The following ADAM2 variants were observed in gnomAD, a reference collection of about 807,000 sequenced individuals.
ADAM2 encodes the protein ADAM metallopeptidase domain 2.
A neutral mutation model predicts 99.3 loss-of-function variants in ADAM2; 101 were observed. That is an observed-to-expected ratio of 1.02 (90% CI 0.87 to 1.20). ADAM2 has a LOEUF of 1.20. ADAM2 is among the 50% of genes most tolerant of loss of function. The pLI, the probability that ADAM2 is intolerant of heterozygous loss-of-function variation, is 0.00. For missense variants in ADAM2, 948 were observed against 878.7 expected, an observed-to-expected ratio of 1.08 and a Z score of -1.00; for synonymous variants, 323 against 287.6, an observed-to-expected ratio of 1.12 and a Z score of -1.25.
intron 15 of ADAM2, among the ~76,000 whole-genome samples, chr8:39,756,376 A>G (rs1420340646): frequency 6.6e-6 from 1 of 152,224 alleles, no homozygotes; most frequent in Non-Finnish European, 1.5e-5. Context: ...CAGGGTTATC[A>G]CTATATATAT....
chr8:39,761,405 C>T (rs1802366035), intron 14 of ADAM2, 124 bp from the exon 15 acceptor site: 1 of 488,026 alleles, frequency 2.0e-6, no homozygotes, highest in Non-Finnish European at 3.5e-6. Flanking sequence ...CATACTATAA[C>T]ATTCAAAATA....
intron 7 of ADAM2, among the ~76,000 whole-genome samples, chr8:39,806,691 G>A (rs935950685): frequency 6.6e-6 from 1 of 152,008 alleles, no homozygotes; most frequent in Admixed American, 6.6e-5. Context: ...ACCCTGAAAT[G>A]CAAAATGATA....
intron 10 of ADAM2, among the ~76,000 whole-genome samples, chr8:39,779,971 C>T (rs979738679): frequency 2.6e-5 from 4 of 151,992 alleles, no homozygotes; most frequent in Admixed American, 1.3e-4. Context: ...AAGATGTTCA[C>T]GCCAATTCAA....
chr8:39,819,546 T>C (rs1261910181), intron 6 of ADAM2, among the ~76,000 whole-genome samples: 1 of 152,106 alleles, frequency 6.6e-6, no homozygotes, highest in African/African-American at 2.4e-5. Context: ...TAGACAAAAT[T>C]AACATTTAAG....
At chr8:39,816,257 A>G (rs192246025) in intron 6 of ADAM2, among the ~76,000 whole-genome samples, 58 of 152,278 alleles carry the variant, frequency 3.8e-4, no homozygotes, top group African/African-American at 9.9e-4. Flanking sequence ...AGATCACGCC[A>G]TTGCACTCCA....
intron 10 of ADAM2, among the ~76,000 whole-genome samples, chr8:39,780,794 A>G (rs1052642477): frequency 4.6e-5 from 7 of 152,268 alleles, no homozygotes; most frequent in East Asian, 1.9e-4. Flanking sequence ...TAGTATTGAT[A>G]TATAAATTAT....
chr8:39,800,955 G>T (rs966263105), intron 7 of ADAM2, among the ~76,000 whole-genome samples: 1 of 151,960 alleles, frequency 6.6e-6, no homozygotes, highest in African/African-American at 2.4e-5. Context: ...TAGCTTCTTT[G>T]CATTAGGTTA....
intron 5 of ADAM2, 108 bp downstream of exon 5, chr8:39,821,478 A>G (rs915532815): frequency 3.5e-6 from 3 of 860,494 alleles, no homozygotes; most frequent in Non-Finnish European, 5.3e-6. Context: ...GCAGTTTTCC[A>G]CAATAGTCAT....
At chr8:39,835,182 T>C (rs1420643642) in intron 2 of ADAM2, among the ~76,000 whole-genome samples, 1 of 152,148 alleles carries the variant, frequency 6.6e-6, no homozygotes, top group African/African-American at 2.4e-5. Context: ...TTAAAATATG[T>C]TTACTATTAC....
At position 39,755,764 on chromosome 8, in the gene ADAM2, C is replaced by A. The variant is rs116723080; in HGVS notation, c.1761G>T (p.Met587Ile). The A allele has an allele frequency of 3.8e-4, 620 of 1,613,538 alleles. 7 individuals are homozygous for A. The African/African-American group carries it at 7.3e-3, about 19-fold the overall frequency. ...FASDHADSQK[M>I]WIKDGTSCGS... ...CACAAGAAGTTCCATCTTTTATCCA[C>A]ATCTTTTGGCTGTCTGCATGATCAC... is the stretch of plus-strand genomic sequence containing the variant. The change falls in exon 16 of 21, where the codon ATG becomes ATT. Residue 587 changes from methionine (M) to isoleucine (I), a missense_variant. Physicochemically the swap from Met to Ile is conservative, Grantham distance 10. Coordinates refer to ENST00000265708, the MANE Select transcript of ADAM2 (RefSeq NM_001464.5).
Position 39,833,939 on chromosome 8 carries a change from C to G in ADAM2, c.188+5G>C, listed in dbSNP as rs763821674. 6 of 1,462,250 alleles carry G rather than the reference C, an allele frequency of 4.1e-6. No homozygotes were observed. The highest frequency in any genetic ancestry group is 1.7e-5 in the Admixed American group (1 of 58,666). 90.6% of individuals were successfully genotyped at this position (1,462,250 alleles called of 1,614,324 possible). ...AGAATTGATAAAATAATGATGATTA[C>G]CTACTTTTGCATTAAATTCACAGTA... On this transcript the variant is annotated splice_donor_5th_base_variant and intron_variant, in intron 3 of 20. Coordinates refer to ENST00000265708, the MANE Select transcript of ADAM2 (RefSeq NM_001464.5).
chr8:39,824,709 T>G, intron 4 of ADAM2, 110 bp downstream of exon 4: 1 of 683,262 alleles, frequency 1.5e-6, no homozygotes, highest in Non-Finnish European at 2.6e-6. Flanking sequence ...ATTAAACTTA[T>G]GCCAAGAAGC....
chr8:39,775,760 G>C (rs1341577223), intron 11 of ADAM2, among the ~76,000 whole-genome samples: 2 of 152,014 alleles, frequency 1.3e-5, no homozygotes, highest in Non-Finnish European at 2.9e-5. Flanking sequence ...TTATTTACTT[G>C]TACTCTCTGG....
intron 16 of ADAM2, among the ~76,000 whole-genome samples, chr8:39,753,300 A>G (rs892593616): frequency 6.6e-6 from 1 of 152,152 alleles, no homozygotes; most frequent in African/African-American, 2.4e-5. Context: ...TGCCCTAGAA[A>G]TCTGTGGAAC....
chr8:39,809,193 G>C (rs1804586597), intron 7 of ADAM2, among the ~76,000 whole-genome samples: 1 of 152,050 alleles, frequency 6.6e-6, no homozygotes, highest in African/African-American at 2.4e-5. Flanking sequence ...AACTATTATA[G>C]AGGTAGCAAT....
intron 9 of ADAM2, 115 bp downstream of exon 9, chr8:39,787,970 C>T (rs1257968695): frequency 2.6e-5 from 15 of 583,354 alleles, no homozygotes; most frequent in Admixed American, 7.8e-5. Context: ...ATTTACATGG[C>T]GTGTGTGAGA....
At chr8:39,807,410 C>T (rs1228623856) in intron 7 of ADAM2, among the ~76,000 whole-genome samples, 1 of 152,168 alleles carries the variant, frequency 6.6e-6, no homozygotes, top group Non-Finnish European at 1.5e-5. Context: ...GGAATGAACA[C>T]ATTTTGTCTG....
intron 3 of ADAM2, among the ~76,000 whole-genome samples, chr8:39,829,696 T>G (rs1230856879): frequency 2.0e-5 from 3 of 151,928 alleles, no homozygotes; most frequent in Non-Finnish European, 4.4e-5. Context: ...CCCAAAATAA[T>G]ATACATTTTA....
chr8:39,817,609 GATT>G (rs1380892359), intron 6 of ADAM2, among the ~76,000 whole-genome samples: 1 of 152,016 alleles, frequency 6.6e-6, no homozygotes, highest in African/African-American at 2.4e-5. Context: ...CCATAAGTGT[GATT>G]ATTATCTGTC....
Sources: allele counts gnomAD v4.1 joint callset (sites outside exome capture counted in the v4.1 genomes callset), GRCh38; gene constraint gnomAD v4.1.1; transcripts MANE v1.5; gene names NCBI Gene and HGNC (gene_info 2026-07-23, HGNC 2026-07-21).